Variants in PNKD observed in about 807,000 individuals in gnomAD.
The protein encoded by PNKD is probable thioesterase PNKD.
Under a neutral mutation model 45.3 loss-of-function variants are expected in PNKD, and 36 were observed. That is an observed-to-expected ratio of 0.80 (90% confidence interval 0.61 to 1.05). The LOEUF is 1.05. Among genes scored for constraint, PNKD ranks in the 50% least tolerant of loss-of-function variants. PNKD has a pLI of 0.00. For synonymous variants in PNKD, 197 were observed against 210.1 expected, an observed-to-expected ratio of 0.94 and a Z score of 0.54; for missense variants, 511 against 506.6, an observed-to-expected ratio of 1.01 and a Z score of -0.08.
Position 218,271,460 on chromosome 2 carries a change from C to G in PNKD, c.147C>G (p.Gly49=). The part of the protein sequence containing the change: ...RALQSHSSPE[G]KEEPEPLSPE... ...TGCAAAGCCACAGCTCCCCAGAGGG[C>G]AAGGAGGAACCTGAACCCCTATCCC... The change falls in exon 2 of 10, where the codon GGC becomes GGG. Residue 49 remains glycine (G), a synonymous_variant. Coordinates refer to ENST00000273077, the MANE Select transcript of PNKD (RefSeq NM_015488.5). 1 of 1,614,020 alleles carries G rather than the reference C, an allele frequency of 6.2e-7. No individual in the cohort carries two copies. Among genetic ancestry groups the G allele is most frequent in the Non-Finnish European group, 8.5e-7 (1 of 1,179,882 alleles).
At chr2:218,278,978 C>T (rs1691562400) in intron 2 of PNKD, 2 of 1,601,300 alleles carry the variant, frequency 1.2e-6, no homozygotes, top group Non-Finnish European at 8.5e-7. Flanking sequence ...AGCTGGTCAC[C>T]TAGAAACAGA....
At chr2:218,323,261 C>T (rs530517234) in intron 2 of PNKD, 4 of 1,517,596 alleles carry the variant, frequency 2.6e-6, no homozygotes, top group Admixed American at 4.1e-5. Flanking sequence ...GCGTGCCTGC[C>T]CCCAGCATGG....
chr2:218,273,961 G>A (rs1260868082), intron 2 of PNKD, among the ~76,000 whole-genome samples: 1 of 152,202 alleles, frequency 6.6e-6, no homozygotes, highest in East Asian at 1.9e-4. Flanking sequence ...AAAAGGTCAA[G>A]CACTACAGCC....
intron 2 of PNKD, among the ~76,000 whole-genome samples, chr2:218,305,967 AT>A: frequency 6.6e-6 from 1 of 152,196 alleles, no homozygotes. Flanking sequence ...TAGATTGAGA[AT>A]TGGACCTTCA....
At chr2:218,279,529 C>G (rs977445803) in intron 2 of PNKD, 3 of 562,358 alleles carry the variant, frequency 5.3e-6, no homozygotes, top group Non-Finnish European at 9.3e-6. Flanking sequence ...TTCCTCAGCC[C>G]CGCTCCCATG....
chr2:218,326,425 A>T lies in PNKD; in HGVS notation c.237-13358A>T, dbSNP rs1267477989. Among the ~76,000 whole-genome samples the T allele has an allele frequency of 6.6e-6, 1 of 152,176 alleles. No individual in the cohort carries two copies. The highest frequency in any genetic ancestry group is 2.4e-5 in the African/African-American group (1 of 41,440). ...GCAAAGCACACAGCATGTGGGGTCGAACAAATCTGCTTTTGCATCCTAGTT... is the reference window on the plus strand; with the variant it reads ...GCAAAGCACACAGCATGTGGGGTCGTACAAATCTGCTTTTGCATCCTAGTT... On this transcript the variant is annotated intron_variant, in intron 2 of 9. Transcript: ENST00000273077. The surrounding 1 kb of genome is among the most constrained non-coding windows in gnomAD (Gnocchi z 4.1).
chr2:218,323,375 G>T, intron 2 of PNKD: 1 of 1,580,742 alleles, frequency 6.3e-7, no homozygotes, highest in Non-Finnish European at 8.6e-7. Flanking sequence ...GCCGAGCGCG[G>T]CGGGGCCTCC....
intron 2 of PNKD, among the ~76,000 whole-genome samples, chr2:218,327,309 G>A (rs1269773437): frequency 6.6e-6 from 1 of 152,138 alleles, no homozygotes; most frequent in Admixed American, 6.5e-5. Flanking sequence ...GGGCCAATGC[G>A]TCCCACTGGC....
intron 2 of PNKD, among the ~76,000 whole-genome samples, chr2:218,325,198 C>CTTTTTTTT (rs746439948): frequency 3.0e-4 from 12 of 39,758 alleles, no homozygotes; most frequent in Non-Finnish European, 4.3e-4. Flanking sequence ...CGCACCCGGC[C>CTTTTTTTT]TTTTTTTTTT....
At chr2:218,315,057 T>TCTTTCTTTCTTCCTTCCTTCCTTC (rs61429059) in intron 2 of PNKD, among the ~76,000 whole-genome samples, 1,212 of 55,458 alleles carry the variant, frequency 0.022, 383 homozygotes, top group Middle Eastern at 0.049. Flanking sequence ...TTTCTTTCTT[T>TCTTTCTTTCTTCCTTCCTTCCTTC]CTTCCTTCCT....
At chr2:218,318,630 A>G (rs2106269636) in intron 2 of PNKD, among the ~76,000 whole-genome samples, 1 of 152,328 alleles carries the variant, frequency 6.6e-6, no homozygotes, top group African/African-American at 2.4e-5. Flanking sequence ...TCACTCATTC[A>G]TTCAGCAGAT....
chr2:218,277,381 G>A (rs1358397559), intron 2 of PNKD: 10 of 1,614,164 alleles, frequency 6.2e-6, no homozygotes, highest in Admixed American at 1.7e-5. Flanking sequence ...TCTGAAAGCA[G>A]AAGATGGTGA....
In PNKD at chr2:218,323,269, T is replaced by A. The variant is rs776565425; in HGVS notation, c.237-16514T>A. 491 of 1,520,290 alleles carry A rather than the reference T, an allele frequency of 3.2e-4. No individual in the cohort carries two copies. Among genetic ancestry groups the A allele is most frequent in the South Asian group, 1.1e-3 (89 of 82,248 alleles). The allele number at this position is 1,520,290 out of a possible 1,614,324, so 94.2% of individuals were successfully genotyped here. On this transcript the variant is annotated intron_variant, in intron 2 of 9. Coordinates refer to ENST00000273077, the MANE Select transcript of PNKD (RefSeq NM_015488.5). Reference sequence around the variant, plus strand: ...GGCCGGCGCGTGCCTGCCCCCAGCATGGCTTGGCAGGGCTGGCCCGCGGCG... The same window carrying A: ...GGCCGGCGCGTGCCTGCCCCCAGCAAGGCTTGGCAGGGCTGGCCCGCGGCG...
chr2:218,282,735 C>G lies in PNKD; in HGVS notation c.236+11186C>G, dbSNP rs568354060. Among the ~76,000 whole-genome samples the G allele has an allele frequency of 1.2e-4, 19 of 152,284 alleles. No individual in the cohort carries two copies. The East Asian group carries it at 3.3e-3, about 26-fold the overall frequency. ...AAACAAGCTAGCCCCAGTGCCAGAG[C>G]TGCCAGGCCCCGAGGAGGAAGGGAT... On this transcript the variant is annotated intron_variant, in intron 2 of 9. Coordinates refer to ENST00000273077, the MANE Select transcript of PNKD (RefSeq NM_015488.5).
At chr2:218,284,531 G>A (rs902015989) in intron 2 of PNKD, among the ~76,000 whole-genome samples, 4 of 152,246 alleles carry the variant, frequency 2.6e-5, no homozygotes, top group Admixed American at 6.5e-5. Flanking sequence ...GCAGCTCAGC[G>A]GGTGCTGACT....
chr2:218,319,298 G>A (rs183765402), intron 2 of PNKD, among the ~76,000 whole-genome samples: 39 of 150,078 alleles, frequency 2.6e-4, no homozygotes, highest in Non-Finnish European at 4.3e-4. Flanking sequence ...TTCAATTTGC[G>A]TATGTCAGAC....
chr2:218,330,198 C>T (rs1694278054), intron 2 of PNKD, among the ~76,000 whole-genome samples: 1 of 152,204 alleles, frequency 6.6e-6, no homozygotes, highest in South Asian at 2.1e-4. Context: ...TATGCTGCTC[C>T]CCTGCCTTCC....
intron 2 of PNKD, among the ~76,000 whole-genome samples, chr2:218,321,211 G>A (rs967459722): frequency 3.9e-5 from 6 of 152,160 alleles, no homozygotes; most frequent in African/African-American, 1.4e-4. Flanking sequence ...ACCTGGCACA[G>A]CCTTACCTGC....
chr2:218,320,313 G>A (rs114062154), intron 2 of PNKD, among the ~76,000 whole-genome samples: 459 of 152,318 alleles, frequency 3.0e-3, no homozygotes, highest in African/African-American at 0.01. Context: ...TATACAAGGC[G>A]TAATGATCAA....
Sources: gnomAD v4.1 joint callset for allele counts (sites outside exome capture counted in the v4.1 genomes callset) on GRCh38, gnomAD v4.1.1 for gene constraint, Gnocchi (gnomAD v3.1) non-coding constraint, MANE v1.5 for transcripts, NCBI Gene and HGNC (gene_info 2026-07-23, HGNC 2026-07-21) for gene names.